The following NBDY variants were observed in gnomAD, a reference collection of about 807,000 sequenced individuals.
NBDY encodes negative regulator of P-body association.
intron 2 of NBDY, among the ~76,000 whole-genome samples, chrX:56,748,189 A>C (rs1391759699): frequency 8.9e-6 from 1 of 112,018 alleles, no homozygotes; most frequent in African/African-American, 3.2e-5. Flanking sequence ...CTTCACAGCA[A>C]AACCTAGTTA....
intron 2 of NBDY, among the ~76,000 whole-genome samples, chrX:56,765,184 GGACTCTAGCT>G (rs1437336352): frequency 8.9e-6 from 1 of 112,203 alleles, no homozygotes; most frequent in Non-Finnish European, 1.9e-5. Context: ...GAAATTAGTA[GGACTCTAGCT>G]GACCCCTGCG....
At chrX:56,755,502 A>G (rs1483403207) in intron 2 of NBDY, among the ~76,000 whole-genome samples, 66 of 112,559 alleles carry the variant, frequency 5.9e-4, no homozygotes. Context: ...ACACTTCTCA[A>G]AAGAAGACAT....
At chrX:56,810,559 A>C (rs1046629457) in intron 2 of NBDY, among the ~76,000 whole-genome samples, 1 of 109,510 alleles carries the variant, frequency 9.1e-6, no homozygotes, top group African/African-American at 3.3e-5. Context: ...ATACCTGTGT[A>C]TGCTTCACGA....
intron 2 of NBDY, among the ~76,000 whole-genome samples, chrX:56,751,539 T>C (rs1262325302): frequency 8.9e-6 from 1 of 111,936 alleles, no homozygotes. Context: ...TAAGTCATAG[T>C]AAAGTACATA....
chrX:56,755,648 C>T (rs1422164317), intron 2 of NBDY, among the ~76,000 whole-genome samples: 2 of 111,127 alleles, frequency 1.8e-5, no homozygotes, highest in Admixed American at 9.5e-5. Context: ...ACAACAGGTG[C>T]TGGAGAGGAT....
chrX:56,804,119 T>C (rs1239649996), intron 2 of NBDY, among the ~76,000 whole-genome samples: 5 of 111,693 alleles, frequency 4.5e-5, no homozygotes, highest in Non-Finnish European at 9.4e-5. Context: ...CCACTGCTGA[T>C]TACTTCTCTG....
At chrX:56,791,303 C>T (rs1003339455) in intron 2 of NBDY, among the ~76,000 whole-genome samples, 3 of 112,239 alleles carry the variant, frequency 2.7e-5, no homozygotes, top group African/African-American at 6.5e-5. Flanking sequence ...CTCTAGCTGA[C>T]CCCTGTGGGG....
intron 2 of NBDY, among the ~76,000 whole-genome samples, chrX:56,762,284 C>CTT: frequency 9.1e-6 from 1 of 110,308 alleles, no homozygotes; most frequent in East Asian, 2.8e-4. Context: ...CTTTTCTTTT[C>CTT]TTTTCTTTCT....
At chrX:56,767,564 C>G (rs767545263) in intron 2 of NBDY, among the ~76,000 whole-genome samples, 6 of 113,247 alleles carry the variant, frequency 5.3e-5, no homozygotes, top group African/African-American at 1.6e-4. Context: ...TCGGCATGAG[C>G]TCGGCGGGCC....
At chrX:56,745,513 C>T (rs748529547) in intron 2 of NBDY, among the ~76,000 whole-genome samples, 3 of 110,749 alleles carry the variant, frequency 2.7e-5, no homozygotes, top group Non-Finnish European at 5.7e-5. Context: ...AATCATATAT[C>T]TCTTAAGAAC....
intron 2 of NBDY, among the ~76,000 whole-genome samples, chrX:56,816,721 A>G (rs1043083939): frequency 2.7e-5 from 3 of 110,546 alleles, no homozygotes; most frequent in African/African-American, 9.8e-5. Context: ...AATACTATAT[A>G]TGTGTACATT....
Position 56,786,900 on chromosome X carries a change from CA to C in NBDY, c.*167-30415del, listed in dbSNP as rs370196046. On this transcript the variant is annotated intron_variant, in intron 2 of 2. Coordinates refer to ENST00000374922, the MANE Select transcript of NBDY (RefSeq NM_001348129.2). Reference sequence around the variant, plus strand: ...CACCAGTTTAGTCCTTCTGGTCCACCAAAAAGCTGCCAACATGTTACTTTTA... The same window carrying C: ...CACCAGTTTAGTCCTTCTGGTCCACCAAAAGCTGCCAACATGTTACTTTTA... Among the ~76,000 whole-genome samples the C allele has an allele frequency of 1.2e-3, 133 of 111,298 alleles. 2 individuals carry two copies. The highest frequency in any genetic ancestry group is 4.0e-3 in the African/African-American group (123 of 30,555).
chrX:56,781,029 C>G, intron 2 of NBDY, among the ~76,000 whole-genome samples: 1 of 111,064 alleles, frequency 9.0e-6, no homozygotes, highest in Middle Eastern at 4.7e-3. Flanking sequence ...TACCATCCAC[C>G]TCGGGGCCCC....
chrX:56,756,057 T>C (rs773830335), intron 2 of NBDY, among the ~76,000 whole-genome samples: 1,444 of 101,484 alleles, frequency 0.014, 11 homozygotes, highest in Non-Finnish European at 0.021. Context: ...AACCAAACAC[T>C]GCATGTTCTC....
intron 2 of NBDY, among the ~76,000 whole-genome samples, chrX:56,754,459 A>G (rs755307501): frequency 8.9e-6 from 1 of 111,897 alleles, no homozygotes; most frequent in Non-Finnish European, 1.9e-5. Flanking sequence ...TCTCCAGGAT[A>G]GGCCATATAT....
At chrX:56,785,335 C>CT (rs1328596365) in intron 2 of NBDY, among the ~76,000 whole-genome samples, 1 of 111,351 alleles carries the variant, frequency 9.0e-6, no homozygotes, top group African/African-American at 3.3e-5. Flanking sequence ...CATTGCGACT[C>CT]TGAGTGTCAG....
At chrX:56,785,330 C>A (rs1024912092) in intron 2 of NBDY, among the ~76,000 whole-genome samples, 1 of 111,205 alleles carries the variant, frequency 9.0e-6, no homozygotes, top group African/African-American at 3.3e-5. Context: ...GGTGGCATTG[C>A]GACTCTGAGT....
At chrX:56,799,825 C>A (rs1403857000) in intron 2 of NBDY, among the ~76,000 whole-genome samples, 4 of 112,791 alleles carry the variant, frequency 3.5e-5, no homozygotes, top group Non-Finnish European at 7.5e-5. Context: ...CAGGGCTCCC[C>A]ACCTATGTGG....
chrX:56,799,302 C>T (rs2069809845), intron 2 of NBDY, among the ~76,000 whole-genome samples: 3 of 112,831 alleles, frequency 2.7e-5, no homozygotes, highest in South Asian at 3.7e-4. Context: ...CCTGTCCCTG[C>T]GTGGCCCCAG....
Sources: gnomAD v4.1 joint callset for allele counts (sites outside exome capture counted in the v4.1 genomes callset) on GRCh38, gnomAD v4.1.1 for gene constraint, MANE v1.5 for transcripts, NCBI Gene and HGNC (gene_info 2026-07-23, HGNC 2026-07-21) for gene names.